The following DOCK10 variants were observed in gnomAD, a reference collection of about 807,000 sequenced individuals.
The protein encoded by DOCK10 is dedicator of cytokinesis 10, also known as dedicator of cytokinesis protein 10.
Under a neutral mutation model 280.1 loss-of-function variants are expected in DOCK10, and 145 were observed. That is an observed-to-expected ratio of 0.52 (90% confidence interval 0.45 to 0.59). DOCK10 has a LOEUF of 0.59. DOCK10 is among the 20% of genes least tolerant of loss of function. DOCK10 has a pLI of 0.00. For missense variants in DOCK10, 2,368 were observed against 2,651.7 expected (o/e 0.89, Z 2.35); for synonymous variants, 915 against 942.2 (o/e 0.97, Z 0.53).
intron 1 of DOCK10, among the ~76,000 whole-genome samples, chr2:225,036,417 G>C (rs1690261491): frequency 6.6e-6 from 1 of 152,112 alleles, no homozygotes; most frequent in Admixed American, 6.5e-5. Flanking sequence ...ACATTGTATT[G>C]GACCCTCATC....
chr2:224,794,384 T>C (rs1222191499), intron 45 of DOCK10, among the ~76,000 whole-genome samples: 1 of 152,346 alleles, frequency 6.6e-6, no homozygotes, highest in East Asian at 1.9e-4. Flanking sequence ...TGTTGACTTA[T>C]AATCCTCGTG....
chr2:224,775,164 C>G lies in DOCK10; in HGVS notation c.5803-49G>C, dbSNP rs538442939. ...AGTGAGTGGTGTGCCCTGGAGCGCT[C>G]TGAAAGCGGGAAGCTCCCATTCCCT... On this transcript the variant is annotated intron_variant, in intron 51 of 55. Coordinates refer to ENST00000258390, the MANE Select transcript of DOCK10 (RefSeq NM_014689.3). The G allele has an allele frequency of 2.7e-5, 43 of 1,565,910 alleles. No homozygotes were observed. The South Asian group carries it at 2.9e-4, about 11-fold the overall frequency.
At position 224,916,878 on chromosome 2, in the gene DOCK10, C is replaced by G. The variant is rs574958681; in HGVS notation, c.244-94G>C. 5.9e-5 allele frequency: 54 copies of G among 913,170 alleles called. 1 individual carries two copies. The highest frequency in any genetic ancestry group is 1.7e-5 in the Non-Finnish European group (10 of 577,720). The allele number at this position is 913,170 out of a possible 1,614,324, so 56.6% of individuals were successfully genotyped here. ...CACACAAAAGGGAAGTCTTTTAGATCTTAGTATTTAAAGTTAACAGAAGAC... is the reference window on the plus strand; with the variant it reads ...CACACAAAAGGGAAGTCTTTTAGATGTTAGTATTTAAAGTTAACAGAAGAC... On this transcript the variant is annotated intron_variant, in intron 2 of 55. Transcript: ENST00000258390.
intron 1 of DOCK10, 119 bp from the exon 2 acceptor site, chr2:224,931,787 T>C: frequency 8.9e-7 from 1 of 1,128,278 alleles, no homozygotes; most frequent in Non-Finnish European, 1.2e-6. Context: ...ATCCTTCCAA[T>C]GCAGTCACAG....
intron 31 of DOCK10, among the ~76,000 whole-genome samples, chr2:224,812,114 A>G (rs1165122033): frequency 2.6e-5 from 4 of 152,284 alleles, no homozygotes; most frequent in African/African-American, 9.6e-5. Context: ...CTTCCTACCC[A>G]TGAGCATGGA....
chr2:224,874,312 C>T lies in DOCK10; in HGVS notation c.1055G>A (p.Arg352Gln), dbSNP rs377019781. 88 of 1,612,990 alleles carry T rather than the reference C, an allele frequency of 5.5e-5. No individual in the cohort carries two copies. The highest frequency in any genetic ancestry group is 6.7e-5 in the African/African-American group (5 of 74,894). ...GAACAGATTTAGCCTCTCCATGTTTCGAGTTGTTTTTACAGTATCTTCTGT... is the reference window on the plus strand; with the variant it reads ...GAACAGATTTAGCCTCTCCATGTTTTGAGTTGTTTTTACAGTATCTTCTGT... ...TETEDTVKTT[R>Q]NMERLNLFSL... is the part of the protein sequence containing the mutation. The change falls in exon 10 of 56, where the codon CGA (arginine) becomes CAA (glutamine). Residue 352 changes from arginine to glutamine, a missense_variant. Transcript: ENST00000258390.
At chr2:224,883,294 G>A (rs945551528) in intron 7 of DOCK10, among the ~76,000 whole-genome samples, 7 of 152,180 alleles carry the variant, frequency 4.6e-5, no homozygotes, top group African/African-American at 1.7e-4. Context: ...ATAAAGAATT[G>A]ACTTCCCCAC....
At chr2:225,008,582 G>A (rs936749927) in intron 1 of DOCK10, among the ~76,000 whole-genome samples, 3 of 152,136 alleles carry the variant, frequency 2.0e-5, no homozygotes, top group Non-Finnish European at 4.4e-5. Context: ...TTGGCAGTTG[G>A]GAGCACTGGT....
chr2:224,890,663 T>C (rs1009952795), intron 4 of DOCK10, among the ~76,000 whole-genome samples: 5 of 152,190 alleles, frequency 3.3e-5, no homozygotes, highest in East Asian at 3.9e-4. Context: ...AGAAGCATTG[T>C]GCTGAGTAAG....
intron 3 of DOCK10, among the ~76,000 whole-genome samples, chr2:224,912,593 G>A (rs1391365472): frequency 6.6e-6 from 1 of 152,154 alleles, no homozygotes; most frequent in African/African-American, 2.4e-5. Context: ...GGTAGCCAAT[G>A]TTATGAGTTT....
At chr2:224,981,279 T>C (rs925067548) in intron 1 of DOCK10, among the ~76,000 whole-genome samples, 2 of 152,174 alleles carry the variant, frequency 1.3e-5, no homozygotes, top group Non-Finnish European at 1.5e-5. Flanking sequence ...CAAGTAATGT[T>C]ATAGTTTAGT....
At chr2:224,931,061 G>T (rs567137891) in intron 2 of DOCK10, among the ~76,000 whole-genome samples, 80 of 152,332 alleles carry the variant, frequency 5.3e-4, no homozygotes, top group African/African-American at 1.7e-3. Flanking sequence ...TCTCCATGAA[G>T]ATGTTCTAGC....
At chr2:224,890,285 T>G (rs1330025768) in intron 4 of DOCK10, among the ~76,000 whole-genome samples, 1 of 152,208 alleles carries the variant, frequency 6.6e-6, no homozygotes, top group Non-Finnish European at 1.5e-5. Flanking sequence ...GTCGCATTAA[T>G]GTAAATTTCC....
intron 23 of DOCK10, among the ~76,000 whole-genome samples, chr2:224,840,705 G>C (rs955092941): frequency 6.6e-6 from 1 of 152,008 alleles, no homozygotes; most frequent in Admixed American, 6.6e-5. Context: ...CAATATGAAG[G>C]TTCCTCAAAA....
chr2:224,855,016 G>A lies in DOCK10; in HGVS notation c.1835C>T (p.Thr612Ile). The A allele has an allele frequency of 6.2e-7, 1 of 1,607,292 alleles. No homozygotes were observed. Among genetic ancestry groups the A allele is most frequent in the South Asian group, 1.1e-5 (1 of 89,988 alleles). The change falls in exon 16 of 56, where the codon ACC becomes ATC. Residue 612 changes from threonine (T) to isoleucine (I), a missense_variant. Physicochemically the swap from Thr to Ile is moderately conservative, Grantham distance 89 (BLOSUM62 -1). Transcript: ENST00000258390. ...AGCAATATCCAGGCTTCCAGGAATGGTCTGCATTTTGCTTATTCTGTCGGC... is the reference window on the plus strand; with the variant it reads ...AGCAATATCCAGGCTTCCAGGAATGATCTGCATTTTGCTTATTCTGTCGGC... ...RRADRISKMQ[T>I]IPGSLDIAVD... is the part of the protein sequence containing the mutation.
intron 43 of DOCK10, 46 bp from the exon 44 acceptor site, chr2:224,796,472 GTCTTCTTAAA>G: frequency 8.0e-7 from 1 of 1,249,570 alleles, no homozygotes. Context: ...ACCAGAAATA[GTCTTCTTAAA>G]GAAATCCACT....
rs1231844670 is a variant in DOCK10, at chr2:224,961,402, T to TTTCTTTC, written c.124-29735_124-29734insGAAAGAA. Reference sequence around the variant, plus strand: ...TTATTTTTGCATAGCAGCATTTTCTTTCTTTCTTTCTCTTTCTTTCTTTCT... The same window carrying TTTCTTTC: ...TTATTTTTGCATAGCAGCATTTTCTTTTCTTTCTCTTTCTTTCTCTTTCTTTCTTTCT... On this transcript the variant is annotated intron_variant, in intron 1 of 55. Coordinates refer to ENST00000258390, the MANE Select transcript of DOCK10 (RefSeq NM_014689.3). Among the ~76,000 whole-genome samples, 1,097 of 121,146 alleles carry TTTCTTTC rather than the reference T, an allele frequency of 9.1e-3. 6 individuals are homozygous for TTTCTTTC. The highest frequency in any genetic ancestry group is 0.016 in the Middle Eastern group (4 of 244). 79.5% of individuals were successfully genotyped at this position (121,146 alleles called of 152,430 possible). A position where few individuals can be genotyped will look rare whatever the true frequency, so the allele number is the denominator to read the frequency against.
intron 19 of DOCK10, among the ~76,000 whole-genome samples, chr2:224,848,194 C>T (rs185700279): frequency 3.0e-4 from 45 of 152,260 alleles, no homozygotes; most frequent in Middle Eastern, 3.4e-3. Context: ...TGAGTCATTT[C>T]AGACTTCGTA....
chr2:224,848,590 A>G (rs907781195), intron 19 of DOCK10, among the ~76,000 whole-genome samples: 4 of 152,130 alleles, frequency 2.6e-5, no homozygotes, highest in Admixed American at 6.5e-5. Flanking sequence ...TCATCCATCA[A>G]ATAGGGAGGT....
Sources: allele counts gnomAD v4.1 joint callset (sites outside exome capture counted in the v4.1 genomes callset), GRCh38; gene constraint gnomAD v4.1.1; transcripts MANE v1.5; gene names NCBI Gene and HGNC (gene_info 2026-07-23, HGNC 2026-07-21).